Variants in ST7 observed in about 807,000 individuals in gnomAD.
ST7 encodes the protein suppressor of tumorigenicity 7 protein.
ST7 carries 28 observed loss-of-function variants against 78.7 expected under a neutral mutation model. That is an observed-to-expected ratio of 0.36 (90% confidence interval 0.26 to 0.49). The LOEUF (loss-of-function observed/expected upper bound fraction) is 0.49. Among genes scored for constraint, ST7 ranks in the 20% least tolerant of loss-of-function variants. The pLI, the probability that ST7 is intolerant of heterozygous loss-of-function variation, is 0.99. For missense variants in ST7, 418 were observed against 696.0 expected, an observed-to-expected ratio of 0.60 and a Z score of 4.49; for synonymous variants, 247 against 249.6, an observed-to-expected ratio of 0.99 and a Z score of 0.10.
At chr7:117,194,443 T>A (rs1810092183) in intron 12 of ST7, among the ~76,000 whole-genome samples, 1 of 152,222 alleles carries the variant, frequency 6.6e-6, no homozygotes, top group African/African-American at 2.4e-5. Flanking sequence ...AGGAAGCTTG[T>A]TCTTCTTCAT....
Position 117,170,846 on chromosome 7 carries a change from G to A in ST7, c.964-16G>A. ...TACATAATATACTAATTATTCCTTG[G>A]TTTCTTCTGCCCTAGTTAATGAAGG... is the stretch of plus-strand genomic sequence containing the variant. On this transcript the variant is annotated splice_polypyrimidine_tract_variant and intron_variant, in intron 9 of 15. Coordinates refer to ENST00000323984, the MANE Select transcript of ST7 (RefSeq NM_001369598.1). 1 of 1,425,978 alleles carries A rather than the reference G, an allele frequency of 7.0e-7. No homozygotes were observed. Among genetic ancestry groups the A allele is most frequent in the East Asian group, 2.4e-5 (1 of 42,514 alleles). The allele number at this position is 1,425,978 out of a possible 1,614,324, so 88.3% of individuals were successfully genotyped here. A position where few individuals can be genotyped will look rare whatever the true frequency, so the allele number is the denominator to read the frequency against.
At chr7:117,227,676 AT>A (rs1793534656) in intron 15 of ST7, among the ~76,000 whole-genome samples, 1 of 152,166 alleles carries the variant, frequency 6.6e-6, no homozygotes, top group African/African-American at 2.4e-5. Context: ...GATTTTACAA[AT>A]GCTTTCAGAG....
intron 1 of ST7, among the ~76,000 whole-genome samples, chr7:117,094,638 C>A (rs1031713493): frequency 6.6e-6 from 1 of 152,144 alleles, no homozygotes; most frequent in African/African-American, 2.4e-5. Flanking sequence ...TCATCTCAGC[C>A]TCAGAGCAGT....
chr7:117,209,947 TTTC>T lies in ST7; in HGVS notation c.1405+13_1405+15del. ...TGTACGTGGGAAGGCAGTAAGTAAT[TTTC>T]TTTTTTTGAAACATTTTTAAGAGCA... On this transcript the variant is annotated intron_variant, in intron 13 of 15. Transcript: ENST00000323984. The T allele has an allele frequency of 6.2e-7, 1 of 1,602,088 alleles. No individual in the cohort carries two copies.
chr7:117,077,633 A>G (rs561676811), intron 1 of ST7, among the ~76,000 whole-genome samples: 2 of 152,332 alleles, frequency 1.3e-5, no homozygotes, highest in South Asian at 2.1e-4. Flanking sequence ...AATGCAAGCC[A>G]TAATAGCTCC....
chr7:117,014,906 T>TC, intron 1 of ST7: 1 of 1,103,692 alleles, frequency 9.1e-7, no homozygotes, highest in Non-Finnish European at 1.2e-6. Flanking sequence ...GCAGGAGGCT[T>TC]CCCCAGAACG....
intron 10 of ST7, among the ~76,000 whole-genome samples, chr7:117,171,874 CAGTGCATTTAA>C (rs1414595069): frequency 6.6e-6 from 1 of 150,884 alleles, no homozygotes; most frequent in Non-Finnish European, 1.5e-5. Flanking sequence ...TAAGCATCTT[CAGTGCATTTAA>C]AGTGCATTTA....
intron 1 of ST7, among the ~76,000 whole-genome samples, chr7:117,046,345 C>CT (rs1286310509): frequency 6.6e-6 from 1 of 152,160 alleles, no homozygotes; most frequent in Non-Finnish European, 1.5e-5. Context: ...TGAAGTCTTG[C>CT]TTTTCACCTA....
intron 2 of ST7, among the ~76,000 whole-genome samples, chr7:117,108,218 A>G (rs890257859): frequency 2.0e-5 from 3 of 152,086 alleles, no homozygotes; most frequent in African/African-American, 7.2e-5. Flanking sequence ...CTTTTATGGT[A>G]TCAGGTCTTA....
At chr7:116,994,557 A>G (rs905144117) in intron 1 of ST7, among the ~76,000 whole-genome samples, 10 of 152,362 alleles carry the variant, frequency 6.6e-5, no homozygotes, top group Admixed American at 5.9e-4. Context: ...CCTGATTTTT[A>G]TGGTAGAATC....
At chr7:117,088,066 A>G (rs1563071535) in intron 1 of ST7, among the ~76,000 whole-genome samples, 2 of 152,058 alleles carry the variant, frequency 1.3e-5, no homozygotes, top group Admixed American at 6.6e-5. Flanking sequence ...TTCCAATCCA[A>G]TTCCTTTATG....
intron 1 of ST7, among the ~76,000 whole-genome samples, chr7:117,056,874 C>T (rs1178660075): frequency 6.6e-6 from 1 of 152,084 alleles, no homozygotes; most frequent in African/African-American, 2.4e-5. Flanking sequence ...TTGGCTTCCT[C>T]TTAAGAATTA....
At chr7:117,036,700 C>T (rs534616719) in intron 1 of ST7, among the ~76,000 whole-genome samples, 21 of 152,198 alleles carry the variant, frequency 1.4e-4, no homozygotes, top group African/African-American at 4.6e-4. Flanking sequence ...ATCATATTCC[C>T]ATGGTATGAT....
intron 1 of ST7, among the ~76,000 whole-genome samples, chr7:117,027,568 A>C (rs994631074): frequency 6.6e-6 from 1 of 152,062 alleles, no homozygotes; most frequent in Non-Finnish European, 1.5e-5. Flanking sequence ...TAAGAATCTT[A>C]AGTGTTCCAG....
intron 1 of ST7, among the ~76,000 whole-genome samples, chr7:117,040,202 T>C (rs941252857): frequency 1.3e-5 from 2 of 151,974 alleles, no homozygotes; most frequent in Non-Finnish European, 2.9e-5. Context: ...TGAAGCCCCC[T>C]CTCTACTAAA....
chr7:117,061,203 A>G (rs958405082), intron 1 of ST7, among the ~76,000 whole-genome samples: 6 of 152,212 alleles, frequency 3.9e-5, no homozygotes, highest in African/African-American at 7.2e-5. Flanking sequence ...AATTAAAAGG[A>G]GTTTTGGGTC....
At chr7:117,102,979 T>G (rs899373235) in intron 2 of ST7, among the ~76,000 whole-genome samples, 1 of 152,000 alleles carries the variant, frequency 6.6e-6, no homozygotes, top group Non-Finnish European at 1.5e-5. Flanking sequence ...CCATTTACAA[T>G]AGCTATAAAG....
chr7:117,189,871 C>T (rs777956512), intron 11 of ST7, among the ~76,000 whole-genome samples: 7 of 152,128 alleles, frequency 4.6e-5, no homozygotes, highest in African/African-American at 1.2e-4. Context: ...CTCAATGGTA[C>T]GTTTGCCTAT....
At chr7:117,113,148 G>T (rs73211903) in intron 2 of ST7, among the ~76,000 whole-genome samples, 1,869 of 152,318 alleles carry the variant, frequency 0.012, 8 homozygotes, top group South Asian at 0.025. Flanking sequence ...GCAGTGCTGA[G>T]GCAGGAATGC....
Sources: allele counts gnomAD v4.1 joint callset (sites outside exome capture counted in the v4.1 genomes callset), GRCh38; gene constraint gnomAD v4.1.1; transcripts MANE v1.5; gene names NCBI Gene and HGNC (gene_info 2026-07-23, HGNC 2026-07-21).